CYP4F12: variants seen among roughly 807,000 people sequenced by gnomAD.
CYP4F12 encodes the protein cytochrome P450 family 4 subfamily F member 12.
A neutral mutation model predicts 56.5 loss-of-function variants in CYP4F12; 60 were observed. The ratio of observed to expected loss-of-function variants is 1.06; its 90% CI spans 0.86 to 1.32. The LOEUF is 1.32. CYP4F12 is among the 40% of genes most tolerant of loss of function. The pLI, the probability that CYP4F12 is intolerant of heterozygous loss-of-function variation, is 0.00. For synonymous variants in CYP4F12, 263 were observed against 264.9 expected, an observed-to-expected ratio of 0.99 and a Z score of 0.07; for missense variants, 711 against 683.5, an observed-to-expected ratio of 1.04 and a Z score of -0.45.
chr19:15,682,478 A>AATT lies in CYP4F12; in HGVS notation c.615_616insATT (p.Lys205_Cys206insIle). ...TCATGACCTTGGACAGTCTACAGAA[A>AATT]TGCATCTTCAGCTTTGACAGCCATT... On this transcript the variant is annotated inframe_insertion, in exon 6 of 13. Coordinates refer to ENST00000550308, the MANE Select transcript of CYP4F12 (RefSeq NM_023944.4). 1 of 1,613,848 alleles carries AATT rather than the reference A, an allele frequency of 6.2e-7. No homozygotes were observed. Among genetic ancestry groups the AATT allele is most frequent in the Non-Finnish European group, 8.5e-7 (1 of 1,179,778 alleles).
intron 2 of CYP4F12, among the ~76,000 whole-genome samples, chr19:15,676,122 C>T (rs2006907121): frequency 1.3e-5 from 2 of 152,136 alleles, no homozygotes; most frequent in South Asian, 4.1e-4. Flanking sequence ...CTTTCCTCTG[C>T]CTTTTGTCCT....
chr19:15,696,538 G>C (rs1420616473), intron 12 of CYP4F12, 26 bp downstream of exon 12: 9 of 1,607,350 alleles, frequency 5.6e-6, no homozygotes, highest in African/African-American at 1.3e-5. Flanking sequence ...GTCTGAGGCA[G>C]GGATGGGATG....
intron 9 of CYP4F12, among the ~76,000 whole-genome samples, chr19:15,688,921 C>G (rs947833154): frequency 3.9e-5 from 6 of 152,118 alleles, no homozygotes; most frequent in African/African-American, 1.2e-4. Flanking sequence ...AAAAATGAAA[C>G]TGCATCCCCA....
rs377317774 is a variant in CYP4F12, at chr19:15,678,385, G to A, written c.323G>A (p.Arg108Gln). The A allele has an allele frequency of 6.3e-5, 102 of 1,614,108 alleles. No individual in the cohort carries two copies. The highest frequency in any genetic ancestry group is 1.6e-4 in the Middle Eastern group (1 of 6,062). ...FIVLCHPDTI[R>Q]SITNASAAIA... is the part of the protein sequence containing the mutation. Reference sequence around the variant, plus strand: ...GTTTTATGCCACCCTGACACCATCCGGTCTATCACCAATGCCTCAGGTACC... The same window carrying A: ...GTTTTATGCCACCCTGACACCATCCAGTCTATCACCAATGCCTCAGGTACC... The change falls in exon 3 of 13, where the codon CGG (arginine) becomes CAG (glutamine). Residue 108 changes from arginine to glutamine, a missense_variant. Arg to Gln is a conservative substitution (Grantham distance 43). Transcript: ENST00000550308.
chr19:15,693,128 A>G (rs1022894186), intron 9 of CYP4F12, among the ~76,000 whole-genome samples: 1 of 151,896 alleles, frequency 6.6e-6, no homozygotes, highest in African/African-American at 2.4e-5. Context: ...GTGTGCTCCT[A>G]TATAATTTTT....
rs967504866 is a variant in CYP4F12, at chr19:15,697,168, C to G, written c.*83C>G. 5 of 1,516,908 alleles carry G rather than the reference C, an allele frequency of 3.3e-6. No homozygotes were observed. In the South Asian group the frequency reaches 6.3e-5, roughly 19 times the overall value. The allele number at this position is 1,516,908 out of a possible 1,614,324, so 94.0% of individuals were successfully genotyped here. A position where few individuals can be genotyped will look rare whatever the true frequency, so the allele number is the denominator to read the frequency against. On this transcript the variant is annotated 3_prime_UTR_variant, in exon 13 of 13. Coordinates refer to ENST00000550308, the MANE Select transcript of CYP4F12 (RefSeq NM_023944.4). ...ACCTCTGCCTGGGCCTCACTGACAG[C>G]CTGCAGGGGGCTCTTGGGGACTGGG...
rs550691372 is a variant in CYP4F12, at chr19:15,682,175, C to G, written c.526-214C>G. 156 of 510,126 alleles carry G rather than the reference C, an allele frequency of 3.1e-4. 1 individual carries two copies. The South Asian group carries it at 3.3e-3, about 11-fold the overall frequency. The allele number at this position is 510,126 out of a possible 1,614,324, so 31.6% of individuals were successfully genotyped here. On this transcript the variant is annotated intron_variant, in intron 5 of 12. Transcript: ENST00000550308. ...TAGAGCATAGGAGACAGAGCTGAGA[C>G]TTGAATGCAGGTCTCTTGACTCCAA... is the stretch of plus-strand genomic sequence containing the variant.
At chr19:15,673,412 C>A in intron 1 of CYP4F12, 117 bp from the exon 2 acceptor site, 1 of 1,168,034 alleles carries the variant, frequency 8.6e-7, no homozygotes, top group Non-Finnish European at 1.2e-6. Context: ...CTCGTTTACT[C>A]ACCCCTGAGC....
intron 5 of CYP4F12, 123 bp from the exon 6 acceptor site, chr19:15,682,266 A>C: frequency 7.3e-7 from 1 of 1,377,084 alleles, no homozygotes; most frequent in Non-Finnish European, 9.8e-7. Flanking sequence ...CTCGCTGGCA[A>C]TGGGTTCCTG....
rs369172315 is a variant in CYP4F12, at chr19:15,680,449, C to T, written c.455C>T (p.Thr152Met). 74 of 1,614,152 alleles carry T rather than the reference C, an allele frequency of 4.6e-5. No homozygotes were observed. The highest frequency in any genetic ancestry group is 5.2e-5 in the Non-Finnish European group (61 of 1,180,004). Residue 152 changes from threonine (T) to methionine (M), a missense_variant, in exon 5 of 13, where the codon ACG becomes ATG. Physicochemically the swap from Thr to Met is moderately conservative, Grantham distance 81. Coordinates refer to ENST00000550308, the MANE Select transcript of CYP4F12 (RefSeq NM_023944.4). ...TGGAGCCGCCACCGTCGGATGCTGA[C>T]GCCCGCCTTCCATTTCAACATCCTG... ...DKWSRHRRML[T>M]PAFHFNILKS...
At chr19:15,676,080 A>G (rs611657) in intron 2 of CYP4F12, among the ~76,000 whole-genome samples, 140,774 of 151,848 alleles carry the variant, frequency 0.93, 65,314 homozygotes, top group East Asian at 1. Flanking sequence ...GAAGACGGAT[A>G]TCCCAGCAGC....
Position 15,683,460 on chromosome 19 carries a change from A to T in CYP4F12, c.648-33A>T, listed in dbSNP as rs1311661953. 4 of 1,552,804 alleles carry T rather than the reference A, an allele frequency of 2.6e-6. No homozygotes were observed. In the African/African-American group the frequency reaches 5.5e-5, roughly 21 times the overall value. On this transcript the variant is annotated intron_variant, in intron 6 of 12. Coordinates refer to ENST00000550308, the MANE Select transcript of CYP4F12 (RefSeq NM_023944.4). Reference sequence around the variant, plus strand: ...GTTCCTGGGGCTTTGCATACGTTACATTGTTGCCTCCCTTTCTGCCCTTGC... The same window carrying T: ...GTTCCTGGGGCTTTGCATACGTTACTTTGTTGCCTCCCTTTCTGCCCTTGC...
chr19:15,683,179 G>T (rs1405726446), intron 6 of CYP4F12, among the ~76,000 whole-genome samples: 1 of 152,140 alleles, frequency 6.6e-6, no homozygotes, highest in Admixed American at 6.5e-5. Context: ...AGTCTGAGTT[G>T]TGTGGACAGT....
chr19:15,680,809 A>C, intron 5 of CYP4F12: 1 of 411,812 alleles, frequency 2.4e-6, no homozygotes, highest in Non-Finnish European at 4.6e-6. Context: ...GCTGATTATA[A>C]ACCACTTCAG....
chr19:15,680,722 G>A lies in CYP4F12; in HGVS notation c.525+203G>A, dbSNP rs149631245. On this transcript the variant is annotated intron_variant, in intron 5 of 12. Transcript: ENST00000550308. ...TTGGCACACAGTAGGTTCTCAGAAG[G>A]TGTCAGTTTCTGTGTTTTTCTCACA... 309 of 665,672 alleles carry A rather than the reference G, an allele frequency of 4.6e-4. 3 individuals are homozygous for A. The African/African-American group carries it at 4.8e-3, about 10-fold the overall frequency. The allele number at this position is 665,672 out of a possible 1,614,324, so 41.2% of individuals were successfully genotyped here. A position where few individuals can be genotyped will look rare whatever the true frequency, so the allele number is the denominator to read the frequency against.
Position 15,696,575 on chromosome 19 carries a change from G to A in CYP4F12, c.1397+63G>A, listed in dbSNP as rs969154348. On this transcript the variant is annotated intron_variant, in intron 12 of 12. Coordinates refer to ENST00000550308, the MANE Select transcript of CYP4F12 (RefSeq NM_023944.4). The stretch of plus-strand genomic sequence containing the variant: ...TGGGTGCGGGAGTTAAAAAAAGGGG[G>A]ACGTTGCAGATGGTCCCAGTTCCAG... The A allele has an allele frequency of 4.9e-5, 76 of 1,538,242 alleles. 1 individual carries two copies. The East Asian group carries it at 9.9e-4, about 20-fold the overall frequency.
chr19:15,687,836 T>G (rs894478872), intron 9 of CYP4F12, among the ~76,000 whole-genome samples: 6 of 152,176 alleles, frequency 3.9e-5, no homozygotes, highest in South Asian at 2.1e-4. Context: ...CAGCATGGAC[T>G]GAGGGAAGCC....
At chr19:15,673,463 A>G (rs1429663131) in intron 1 of CYP4F12, 66 bp from the exon 2 acceptor site, 2 of 1,522,648 alleles carry the variant, frequency 1.3e-6, no homozygotes, top group East Asian at 2.2e-5. Context: ...CTTCGCCCCT[A>G]TACACTGTCC....
At chr19:15,689,731 G>C (rs2007788146) in intron 9 of CYP4F12, among the ~76,000 whole-genome samples, 1 of 152,194 alleles carries the variant, frequency 6.6e-6, no homozygotes, top group African/African-American at 2.4e-5. Flanking sequence ...AGTGGATAAA[G>C]AAAATGTGGC....
Sources: allele counts gnomAD v4.1 joint callset (sites outside exome capture counted in the v4.1 genomes callset), GRCh38; gene constraint gnomAD v4.1.1; transcripts MANE v1.5; gene names NCBI Gene and HGNC (gene_info 2026-07-23, HGNC 2026-07-21).